The following EVI5 variants were observed in gnomAD, a reference collection of about 807,000 sequenced individuals.
EVI5 encodes ecotropic viral integration site 5 protein homolog.
A neutral mutation model predicts 112.0 loss-of-function variants in EVI5; 73 were observed. That is an observed-to-expected ratio of 0.65 (90% CI 0.54 to 0.79). The LOEUF is 0.79. Ranked by LOEUF, EVI5 falls within the 30% of genes least tolerant of loss-of-function variation. The pLI is 0.00. For missense variants in EVI5, 900 were observed against 968.8 expected (o/e 0.93, Z 0.94); for synonymous variants, 305 against 319.9 (o/e 0.95, Z 0.50).
chr1:92,592,205 T>C (rs1476291145), intron 18 of EVI5, among the ~76,000 whole-genome samples: 1 of 151,938 alleles, frequency 6.6e-6, no homozygotes, highest in Admixed American at 6.6e-5. Flanking sequence ...ACCTTGCCAC[T>C]GCACTCCGGC....
chr1:92,680,738 T>C (rs960139861), intron 9 of EVI5, among the ~76,000 whole-genome samples: 1 of 152,142 alleles, frequency 6.6e-6, no homozygotes, highest in African/African-American at 2.4e-5. Flanking sequence ...AGTAATATCA[T>C]ATATATCGTA....
chr1:92,665,211 A>T (rs1171428038), intron 11 of EVI5, among the ~76,000 whole-genome samples: 1 of 152,200 alleles, frequency 6.6e-6, no homozygotes, highest in Non-Finnish European at 1.5e-5. Flanking sequence ...TCTCAAAAAA[A>T]TAAAAAAGAA....
chr1:92,560,784 C>T (rs1668402714), intron 19 of EVI5, among the ~76,000 whole-genome samples: 2 of 151,736 alleles, frequency 1.3e-5, no homozygotes, highest in South Asian at 2.1e-4. Context: ...GGGCTGGTCT[C>T]GAACTCCTGG....
At chr1:92,542,022 G>GA (rs780354957) in intron 19 of EVI5, among the ~76,000 whole-genome samples, 4 of 152,184 alleles carry the variant, frequency 2.6e-5, no homozygotes, top group Admixed American at 6.5e-5. Context: ...ATTTCTTAAA[G>GA]TAAGACAACA....
intron 1 of EVI5, among the ~76,000 whole-genome samples, chr1:92,770,415 CAT>C (rs1220303320): frequency 4.6e-5 from 7 of 152,206 alleles, no homozygotes; most frequent in African/African-American, 1.7e-4. Flanking sequence ...CATTTCTCCA[CAT>C]GTGTACGTTT....
chr1:92,612,148 C>T (rs558538080), intron 16 of EVI5, among the ~76,000 whole-genome samples: 28 of 152,150 alleles, frequency 1.8e-4, no homozygotes, highest in Admixed American at 5.9e-4. Flanking sequence ...TAAGTTTAGA[C>T]TTTGTTCACC....
chr1:92,635,958 T>C (rs890041293), intron 14 of EVI5, among the ~76,000 whole-genome samples: 1 of 152,182 alleles, frequency 6.6e-6, no homozygotes, highest in African/African-American at 2.4e-5. Context: ...ATTCTGGTCG[T>C]TTTCCTCCAA....
chr1:92,584,191 T>C (rs182762498), intron 18 of EVI5, among the ~76,000 whole-genome samples: 2,537 of 152,226 alleles, frequency 0.017, 59 homozygotes, highest in African/African-American at 0.059. Context: ...GTGCTCTCTC[T>C]TTCGTAAAAA....
intron 2 of EVI5, among the ~76,000 whole-genome samples, chr1:92,716,342 C>CT (rs1192504424): frequency 6.6e-6 from 1 of 152,168 alleles, no homozygotes; most frequent in East Asian, 1.9e-4. Flanking sequence ...TGGAGTGGAC[C>CT]TCTGGCAAAT....
chr1:92,599,016 A>G (rs1355311637), intron 18 of EVI5, among the ~76,000 whole-genome samples: 1 of 151,842 alleles, frequency 6.6e-6, no homozygotes, highest in Non-Finnish European at 1.5e-5. Flanking sequence ...CTTTGAAAAT[A>G]AATTTAATAA....
At chr1:92,707,552 A>C (rs567492088) in intron 2 of EVI5, among the ~76,000 whole-genome samples, 2 of 152,366 alleles carry the variant, frequency 1.3e-5, no homozygotes, top group Non-Finnish European at 2.9e-5. Context: ...TAAGTACTTG[A>C]AAAATGTTAG....
intron 18 of EVI5, among the ~76,000 whole-genome samples, chr1:92,577,720 A>G (rs1671299518): frequency 6.6e-6 from 1 of 152,238 alleles, no homozygotes; most frequent in Non-Finnish European, 1.5e-5. Flanking sequence ...GATCTGCCAT[A>G]AAAGGAAAGC....
chr1:92,528,876 T>C (rs1391666829), intron 19 of EVI5, among the ~76,000 whole-genome samples: 2 of 152,232 alleles, frequency 1.3e-5, no homozygotes, highest in Non-Finnish European at 2.9e-5. Flanking sequence ...GGCATGCTCA[T>C]TTTTGTGATA....
chr1:92,647,945 A>AT (rs2102016940), intron 13 of EVI5, among the ~76,000 whole-genome samples: 1 of 151,286 alleles, frequency 6.6e-6, no homozygotes, highest in Non-Finnish European at 1.5e-5. Context: ...GGGTTTCACC[A>AT]TGTTGGCCAA....
At chr1:92,581,103 T>G (rs1671861630) in intron 18 of EVI5, among the ~76,000 whole-genome samples, 1 of 152,210 alleles carries the variant, frequency 6.6e-6, no homozygotes, top group Non-Finnish European at 1.5e-5. Flanking sequence ...TGTCCACATA[T>G]TCCAAGTACG....
chr1:92,755,226 T>C (rs2102950883), intron 1 of EVI5, among the ~76,000 whole-genome samples: 1 of 152,044 alleles, frequency 6.6e-6, no homozygotes, highest in South Asian at 2.1e-4. Flanking sequence ...CTGGCCAACA[T>C]GTTGAAACCC....
intron 19 of EVI5, among the ~76,000 whole-genome samples, chr1:92,518,588 C>A (rs1369151621): frequency 1.3e-5 from 2 of 150,798 alleles, no homozygotes; most frequent in African/African-American, 4.9e-5. Flanking sequence ...CACATATTAC[C>A]AGAGAATTCG....
chr1:92,643,502 C>T (rs1211085041), intron 13 of EVI5, among the ~76,000 whole-genome samples: 3 of 151,856 alleles, frequency 2.0e-5, no homozygotes, highest in East Asian at 1.9e-4. Context: ...CTTGAACTCC[C>T]GGCCTCAAGC....
At chr1:92,708,917 T>A (rs1672426555) in intron 2 of EVI5, among the ~76,000 whole-genome samples, 1 of 152,066 alleles carries the variant, frequency 6.6e-6, no homozygotes, top group Non-Finnish European at 1.5e-5. Flanking sequence ...AGAAAATAGA[T>A]CAGCAGCTGC....
Sources: gnomAD v4.1 joint callset for allele counts (sites outside exome capture counted in the v4.1 genomes callset) on GRCh38, gnomAD v4.1.1 for gene constraint, MANE v1.5 for transcripts, NCBI Gene and HGNC (gene_info 2026-07-23, HGNC 2026-07-21) for gene names.